PLCXD1: variants seen among roughly 807,000 people sequenced by gnomAD.
The protein encoded by PLCXD1 is phosphatidylinositol specific phospholipase C X domain containing 1.
PLCXD1 carries 45 observed loss-of-function variants against 37.8 expected under a neutral mutation model. The observed-to-expected ratio is 1.19, with a 90% CI of 0.94 to 1.53. The LOEUF is 1.53. PLCXD1 is among the 40% of genes most tolerant of loss of function. The probability of loss-of-function intolerance (pLI) is 0.00; values close to 1 mark genes in which losing one functional copy is unlikely to be tolerated. For synonymous variants in PLCXD1, 246 were observed against 206.9 expected (o/e 1.19, Z -1.62); for missense variants, 539 against 454.7 (o/e 1.19, Z -1.69).
intron 5 of PLCXD1, among the ~76,000 whole-genome samples, chrX:292,689 C>T (rs952854098): frequency 2.0e-5 from 3 of 151,724 alleles, no homozygotes; most frequent in Non-Finnish European, 4.4e-5. Context: ...CTCGGCTCAC[C>T]GCAACCTCTG....
At chrX:290,297 G>T (rs1331133171) in intron 3 of PLCXD1, among the ~76,000 whole-genome samples, 16 of 152,122 alleles carry the variant, frequency 1.1e-4, no homozygotes, top group Non-Finnish European at 2.9e-5. Context: ...GGGCGCGGTG[G>T]CGGGCGCCTG....
At position 300,554 on chromosome X, in the gene PLCXD1, GCATGTATATGTGTATGTGTA is replaced by G. The variant is rs1272376244; in HGVS notation, c.*1233_*1252del. ...TGTATGCATACATGTATATGTGTAT[GCATGTATATGTGTATGTGTA>G]CATGTATATGTGTTTATACATGTAT... On this transcript the variant is annotated 3_prime_UTR_variant, in exon 7 of 7. Transcript: ENST00000381657. 6.7e-6 allele frequency: 1 copy of G among 148,736 alleles called. No homozygotes were observed. The highest frequency in any genetic ancestry group is 1.5e-5 in the Non-Finnish European group (1 of 67,958). The allele number at this position is 148,736 out of a possible 1,614,324, so 9.2% of individuals were successfully genotyped here. A position where few individuals can be genotyped will look rare whatever the true frequency, so the allele number is the denominator to read the frequency against.
chrX:299,267 G>C lies in PLCXD1; in HGVS notation c.904G>C (p.Asp302His), dbSNP rs753124249. The C allele has an allele frequency of 2.4e-5, 38 of 1,613,784 alleles. No homozygotes were observed. Among genetic ancestry groups the C allele is most frequent in the Non-Finnish European group, 3.1e-5 (37 of 1,179,876 alleles). Reference protein sequence around the residue: ...GSRCTNIIAGDFIGADGFVSD... With the variant: ...GSRCTNIIAGHFIGADGFVSD... ...ACGGTGCACCAACATCATCGCGGGGGACTTCATCGGCGCAGACGGCTTCGT... is the reference window on the plus strand; with the variant it reads ...ACGGTGCACCAACATCATCGCGGGGCACTTCATCGGCGCAGACGGCTTCGT... Residue 302 changes from aspartate to histidine, a missense_variant, in exon 7 of 7, where the codon GAC becomes CAC. Physicochemically the swap from Asp to His is moderately conservative, Grantham distance 81. Transcript: ENST00000381657.
At chrX:288,619 G>T in intron 2 of PLCXD1, 114 bp from the exon 3 acceptor site, 1 of 1,131,092 alleles carries the variant, frequency 8.8e-7, no homozygotes, top group Non-Finnish European at 1.3e-6. Context: ...CCATACCTGT[G>T]CCTGTGCTGT....
chrX:284,108 C>T, intron 1 of PLCXD1, 59 bp from the exon 2 acceptor site: 2 of 1,413,418 alleles, frequency 1.4e-6, no homozygotes, highest in Non-Finnish European at 2.0e-6. Context: ...CCAGGCTGGT[C>T]TCGAACTCCT....
At chrX:290,180 C>T (rs1286219074) in intron 3 of PLCXD1, among the ~76,000 whole-genome samples, 5 of 152,042 alleles carry the variant, frequency 3.3e-5, no homozygotes, top group Non-Finnish European at 7.4e-5. Flanking sequence ...GTAATCCCAG[C>T]ACTTTGGGAG....
chrX:288,811 T>C lies in PLCXD1; in HGVS notation c.206T>C (p.Leu69Pro), dbSNP rs1380693269. ...SHEESRLLQL[L>P]NKALPCITRP... ...GAGGAGTCCCGGCTGCTGCAGCTGC[T>C]GAACAAGGCCTTGCCCTGCATCACG... is the stretch of plus-strand genomic sequence containing the variant. Residue 69 changes from leucine (L) to proline (P), a missense_variant, in exon 3 of 7, where the codon CTG (leucine) becomes CCG (proline). Leu to Pro is a moderately conservative substitution (Grantham distance 98). Transcript: ENST00000381657. The C allele has an allele frequency of 6.2e-7, 1 of 1,613,674 alleles. No homozygotes were observed. Among genetic ancestry groups the C allele is most frequent in the Non-Finnish European group, 8.5e-7 (1 of 1,179,722 alleles).
upstream of PLCXD1, chrX:281,242 G>A (rs2069268945): frequency 8.7e-6 from 2 of 229,528 alleles, no homozygotes; most frequent in African/African-American, 2.4e-5. Flanking sequence ...CTGGGGACCC[G>A]GAGCCGCGGT....
intron 2 of PLCXD1, among the ~76,000 whole-genome samples, chrX:285,457 T>C (rs776387002): frequency 3.6e-3 from 550 of 152,108 alleles, no homozygotes; most frequent in African/African-American, 0.012. Flanking sequence ...CAGACACACG[T>C]GCACACATAA....
At chrX:293,916 T>A (rs1279510144) in intron 6 of PLCXD1, among the ~76,000 whole-genome samples, 1 of 152,200 alleles carries the variant, frequency 6.6e-6, no homozygotes, top group African/African-American at 2.4e-5. Context: ...TCTCTCCTTT[T>A]AGGACGATGA....
intron 6 of PLCXD1, among the ~76,000 whole-genome samples, chrX:294,307 C>T (rs2069733118): frequency 6.6e-6 from 1 of 152,008 alleles, no homozygotes; most frequent in Non-Finnish European, 1.5e-5. Context: ...ATGGAGAAAC[C>T]CCGTCTCTAC....
At chrX:276,561 G>T (rs189595623), upstream of PLCXD1, among the ~76,000 whole-genome samples, 23 of 152,282 alleles carry the variant, frequency 1.5e-4, no homozygotes, top group East Asian at 4.1e-3. Context: ...AGGGGGTTCA[G>T]GGGGAGGGTC....
chrX:294,437 A>G (rs753872180), intron 6 of PLCXD1, among the ~76,000 whole-genome samples: 146 of 149,510 alleles, frequency 9.8e-4, no homozygotes, highest in East Asian at 3.4e-3. Context: ...AGCCGAGATC[A>G]CGCCACTGAA....
intron 6 of PLCXD1, among the ~76,000 whole-genome samples, chrX:295,300 T>TGAGG (rs1255532739): frequency 2.6e-5 from 4 of 151,776 alleles, no homozygotes; most frequent in African/African-American, 7.3e-5. Context: ...GGCAGGAGCC[T>TGAGG]GAGGGAGGGA....
chrX:286,991 C>T (rs911126029), intron 2 of PLCXD1, among the ~76,000 whole-genome samples: 4 of 151,744 alleles, frequency 2.6e-5, no homozygotes, highest in African/African-American at 9.7e-5. Context: ...GTCCACGTTC[C>T]TCAGAGGATG....
chrX:292,681 C>T (rs112654340), intron 5 of PLCXD1, among the ~76,000 whole-genome samples: 3 of 151,742 alleles, frequency 2.0e-5, no homozygotes, highest in African/African-American at 4.8e-5. Context: ...AGCGAAACCT[C>T]GGCTCACCGC....
intron 5 of PLCXD1, among the ~76,000 whole-genome samples, chrX:292,098 G>C (rs1287695972): frequency 6.6e-6 from 1 of 152,022 alleles, no homozygotes; most frequent in East Asian, 1.9e-4. Flanking sequence ...TCAAGAGATT[G>C]AGACTATCCT....
chrX:278,254 A>C (rs958486759), upstream of PLCXD1, among the ~76,000 whole-genome samples: 2 of 148,152 alleles, frequency 1.3e-5, no homozygotes, highest in Non-Finnish European at 3.0e-5. Context: ...ACGGGAGGGG[A>C]GGGACTGTGA....
rs1334485993 is a variant in PLCXD1 at position 299,091 on chromosome X, T to C, written c.734-6T>C. On this transcript the variant is annotated splice_region_variant and splice_polypyrimidine_tract_variant and intron_variant, in intron 6 of 6. Transcript: ENST00000381657. ...GTGTAACCTCTCCCCACCCTCACCG[T>C]TGCAGGAGGGTTGTTCGTGGCCGGC... 2 of 1,606,072 alleles carry C rather than the reference T, an allele frequency of 1.2e-6. No homozygotes were observed. Among genetic ancestry groups the C allele is most frequent in the Non-Finnish European group, 1.7e-6 (2 of 1,172,698 alleles).
Sources: gnomAD v4.1 joint callset for allele counts (sites outside exome capture counted in the v4.1 genomes callset) on GRCh38, gnomAD v4.1.1 for gene constraint, MANE v1.5 for transcripts, NCBI Gene and HGNC (gene_info 2026-07-23, HGNC 2026-07-21) for gene names.